Variants in FMO3 observed in about 807,000 individuals in gnomAD.
FMO3 encodes flavin containing dimethylaniline monoxygenase 3, also known as flavin-containing monooxygenase 3.
FMO3 carries 40 observed loss-of-function variants against 39.4 expected under a neutral mutation model. The observed-to-expected ratio is 1.02, with a 90% CI of 0.79 to 1.32. The LOEUF (loss-of-function observed/expected upper bound fraction) is 1.32. FMO3 is among the 40% of genes most tolerant of loss of function. FMO3 has a pLI of 0.00. For missense variants in FMO3, 680 were observed against 651.8 expected, an observed-to-expected ratio of 1.04 and a Z score of -0.47; for synonymous variants, 219 against 228.8, an observed-to-expected ratio of 0.96 and a Z score of 0.39.
At chr1:171,110,567 T>C (rs886289809) in intron 5 of FMO3, among the ~76,000 whole-genome samples, 3 of 152,144 alleles carry the variant, frequency 2.0e-5, no homozygotes, top group African/African-American at 7.2e-5. Flanking sequence ...TACGCCCGCA[T>C]TGACCAGTCA....
chr1:171,114,311 GCCATT>G lies in FMO3; in HGVS notation c.1135_1139del (p.Ile379HisfsTer3). The G allele has an allele frequency of 6.2e-7, 1 of 1,613,890 alleles. No individual in the cohort carries two copies. The highest frequency in any genetic ancestry group is 8.5e-7 in the Non-Finnish European group (1 of 1,179,926). On this transcript the variant is annotated frameshift_variant, in exon 7 of 9. Coordinates refer to ENST00000367755, the MANE Select transcript of FMO3 (RefSeq NM_001002294.3). LOFTEE classifies it high-confidence loss of function. ...TGGCTTTGTCCAGTCCCTTGGGGCT[GCCATT>G]CCCACAGTTGACCTCCAGTCCCGCT...
chr1:171,095,538 T>A (rs1297257737), intron 2 of FMO3, among the ~76,000 whole-genome samples: 1 of 151,404 alleles, frequency 6.6e-6, no homozygotes, highest in Non-Finnish European at 1.5e-5. Context: ...CACTATTTCC[T>A]CCTCAAATGC....
intron 6 of FMO3, 73 bp from the exon 7 acceptor site, chr1:171,113,934 C>A: frequency 2.8e-6 from 3 of 1,089,798 alleles, no homozygotes; most frequent in South Asian, 1.6e-5. Context: ...CCTTCCTTAT[C>A]AATTTATATA....
intron 2 of FMO3, among the ~76,000 whole-genome samples, chr1:171,096,075 TA>T (rs1655009026): frequency 1.7e-5 from 1 of 60,538 alleles, no homozygotes; most frequent in African/African-American, 7.2e-5. Flanking sequence ...TATATATTAA[TA>T]TATAATATAT....
At chr1:171,092,586 T>C (rs946613766) in intron 1 of FMO3, 67 bp from the exon 2 acceptor site, 1 of 1,573,006 alleles carries the variant, frequency 6.4e-7, no homozygotes, top group Non-Finnish European at 8.7e-7. Context: ...TCAAAATAAA[T>C]AGATAAATAA....
At chr1:171,095,510 T>C (rs1654913177) in intron 2 of FMO3, among the ~76,000 whole-genome samples, 1 of 151,698 alleles carries the variant, frequency 6.6e-6, no homozygotes, top group Non-Finnish European at 1.5e-5. Context: ...TTTAGGAAGA[T>C]TAATGACCCT....
chr1:171,108,361 TC>T (rs28363550), intron 5 of FMO3, 140 bp downstream of exon 5: 152,740 of 963,222 alleles, frequency 0.16, 14,709 homozygotes, highest in East Asian at 0.18. Context: ...TAGCTGAGCT[TC>T]CCCAAGTAAC....
chr1:171,101,705 C>T (rs754980822), intron 2 of FMO3: 3 of 509,498 alleles, frequency 5.9e-6, no homozygotes, highest in Admixed American at 4.1e-5. Context: ...GATGTATTTC[C>T]CTCACCTTCT....
At chr1:171,092,844 A>G in intron 2 of FMO3, 54 bp downstream of exon 2, 2 of 1,595,412 alleles carry the variant, frequency 1.3e-6, no homozygotes, top group South Asian at 2.2e-5. Flanking sequence ...AGTGTATAAG[A>G]GCACACTGTG....
chr1:171,114,009 T>C lies in FMO3; in HGVS notation c.830T>C (p.Val277Ala), dbSNP rs2066530. 2.6e-3 allele frequency: 4,123 copies of C among 1,588,188 alleles called. 91 individuals are homozygous for C. In the African/African-American group the frequency reaches 0.049, roughly 19 times the overall value. ...AATTGTCTCTGTTTTCCATACAGAG[T>C]CCTGAGGAAAGAGCCTGTATTTAAC... ...ENYGLMPLNG[V>A]LRKEPVFNDE... Residue 277 changes from valine (V) to alanine (A), a missense_variant and splice_region_variant, in exon 7 of 9, where the codon GTC becomes GCC. Val to Ala is a moderately conservative substitution (Grantham distance 64). Coordinates refer to ENST00000367755, the MANE Select transcript of FMO3 (RefSeq NM_001002294.3).
In FMO3 at chr1:171,116,280, G is replaced by T; in HGVS notation, c.1256G>T (p.Trp419Leu). 2 of 1,526,314 alleles carry T rather than the reference G, an allele frequency of 1.3e-6. No homozygotes were observed. Among genetic ancestry groups the T allele is most frequent in the South Asian group, 1.1e-5 (1 of 89,108 alleles). The allele number at this position is 1,526,314 out of a possible 1,614,324, so 94.5% of individuals were successfully genotyped here. ...INEKMEKKRK[W>L]FGKSETIQTD... ...GAGAAAATGGAGAAAAAGCGCAAATGGTAAGAGTACCTATTGTAATAGGAG... is the reference window on the plus strand; with the variant it reads ...GAGAAAATGGAGAAAAAGCGCAAATTGTAAGAGTACCTATTGTAATAGGAG... The change falls in exon 8 of 9, where the codon TGG becomes TTG. Residue 419 changes from tryptophan to leucine, a missense_variant and splice_region_variant. Physicochemically the swap from Trp to Leu is moderately conservative, Grantham distance 61. Transcript: ENST00000367755.
At chr1:171,106,403 G>A (rs1417935449) in intron 3 of FMO3, among the ~76,000 whole-genome samples, 3 of 152,100 alleles carry the variant, frequency 2.0e-5, no homozygotes, top group African/African-American at 7.2e-5. Flanking sequence ...CCCTCCCAAA[G>A]CACTGGGATT....
At chr1:171,096,387 T>C (rs1190003579) in intron 2 of FMO3, among the ~76,000 whole-genome samples, 1 of 97,796 alleles carries the variant, frequency 1.0e-5, no homozygotes, top group Non-Finnish European at 1.8e-5. Context: ...TATATATATG[T>C]TATATATAAT....
In FMO3 at chr1:171,110,997, G is replaced by T. The variant is rs759596125; in HGVS notation, c.827G>T (p.Gly276Val). 6.2e-7 allele frequency: 1 copy of T among 1,612,412 alleles called. No individual in the cohort carries two copies. Among genetic ancestry groups the T allele is most frequent in the South Asian group, 1.1e-5 (1 of 91,022 alleles). Residue 276 changes from glycine to valine, a missense_variant and splice_region_variant, in exon 6 of 9, where the codon GGA becomes GTA. By Grantham distance (109) the Gly-to-Val change is moderately radical. Transcript: ENST00000367755. ...HENYGLMPLNGVLRKEPVFND... is the reference protein window; with the variant it reads ...HENYGLMPLNVVLRKEPVFND... ...AACTATGGCTTGATGCCTTTAAATG[G>T]GTAATGCAGAGCTAAACGTGATATG...
In FMO3 at chr1:171,108,195, A is replaced by C; in HGVS notation, c.601A>C (p.Thr201Pro). The C allele has an allele frequency of 6.2e-7, 1 of 1,613,918 alleles. No individual in the cohort carries two copies. The change falls in exon 5 of 9, where the codon ACA (threonine) becomes CCA (proline). Residue 201 changes from threonine (T) to proline (P), a missense_variant. By Grantham distance (38) the Thr-to-Pro change is conservative. Transcript: ENST00000367755. ...GLGNSGCDIA[T>P]ELSRTAEQVM... is the part of the protein sequence containing the mutation. ...GGGGAATTCGGGCTGTGATATTGCC[A>C]CAGAACTCAGCCGCACAGCAGAACA...
intron 8 of FMO3, 71 bp from the exon 9 acceptor site, chr1:171,117,029 A>T: frequency 8.5e-7 from 1 of 1,178,540 alleles, no homozygotes; most frequent in South Asian, 1.2e-5. Context: ...TAAAGTTGCG[A>T]GCCATTTTCT....
chr1:171,111,009 C>G lies in FMO3; in HGVS notation c.827+12C>G. The G allele has an allele frequency of 6.2e-7, 1 of 1,606,946 alleles. No individual in the cohort carries two copies. The highest frequency in any genetic ancestry group is 8.5e-7 in the Non-Finnish European group (1 of 1,174,154). On this transcript the variant is annotated intron_variant, in intron 6 of 8. Coordinates refer to ENST00000367755, the MANE Select transcript of FMO3 (RefSeq NM_001002294.3). ...ATGCCTTTAAATGGGTAATGCAGAG[C>G]TAAACGTGATATGCCTGCTGGCTTT...
intron 4 of FMO3, 61 bp from the exon 5 acceptor site, chr1:171,108,018 G>A: frequency 6.3e-7 from 1 of 1,584,202 alleles, no homozygotes. Context: ...GGTCGCTTCT[G>A]TTAAAGTCTT....
chr1:171,094,152 A>G (rs979044018), intron 2 of FMO3, among the ~76,000 whole-genome samples: 9 of 152,056 alleles, frequency 5.9e-5, no homozygotes, highest in Non-Finnish European at 1.0e-4. Context: ...AATAATAGCC[A>G]TTCTGACTGG....
Sources: allele counts gnomAD v4.1 joint callset (sites outside exome capture counted in the v4.1 genomes callset), GRCh38; gene constraint gnomAD v4.1.1; transcripts MANE v1.5; gene names NCBI Gene and HGNC (gene_info 2026-07-23, HGNC 2026-07-21).